The following IPO11 variants were observed in gnomAD, a reference collection of about 807,000 sequenced individuals.
IPO11 encodes the protein importin 11.
IPO11 carries 66 observed loss-of-function variants against 143.2 expected under a neutral mutation model. That is an observed-to-expected ratio of 0.46 (90% confidence interval 0.38 to 0.57). The LOEUF is 0.57. Ranked by LOEUF, IPO11 falls within the 20% of genes least tolerant of loss-of-function variation. The pLI, the probability that IPO11 is intolerant of heterozygous loss-of-function variation, is 0.00. For synonymous variants in IPO11, 385 were observed against 377.8 expected (o/e 1.02, Z -0.22); for missense variants, 1,026 against 1,141.0 (o/e 0.90, Z 1.45).
intron 20 of IPO11, among the ~76,000 whole-genome samples, chr5:62,523,058 G>C (rs1742255657): frequency 6.6e-6 from 1 of 152,186 alleles, no homozygotes. Context: ...TGTAAATCAG[G>C]TAGTTTGTCT....
intron 9 of IPO11, among the ~76,000 whole-genome samples, chr5:62,479,390 A>G (rs1232959088): frequency 2.6e-5 from 4 of 152,216 alleles, no homozygotes; most frequent in South Asian, 4.1e-4. Context: ...TAGCGCCACA[A>G]TAAACATACG....
intron 1 of IPO11, among the ~76,000 whole-genome samples, chr5:62,436,159 C>A (rs1744225438): frequency 6.6e-6 from 1 of 152,140 alleles, no homozygotes. Flanking sequence ...GCTTTACTTA[C>A]ATAGGTTTTG....
At chr5:62,621,508 G>C (rs1427379367) in intron 29 of IPO11, among the ~76,000 whole-genome samples, 1 of 152,148 alleles carries the variant, frequency 6.6e-6, no homozygotes, top group Non-Finnish European at 1.5e-5. Flanking sequence ...GCGGGTTAGA[G>C]ATTCTCCCAG....
At chr5:62,527,907 TA>T (rs949303367) in intron 21 of IPO11, among the ~76,000 whole-genome samples, 4 of 152,230 alleles carry the variant, frequency 2.6e-5, no homozygotes, top group African/African-American at 7.2e-5. Context: ...CTGCATTATA[TA>T]TGTAATTTTA....
At chr5:62,463,031 A>C (rs766945684) in intron 5 of IPO11, among the ~76,000 whole-genome samples, 1 of 152,008 alleles carries the variant, frequency 6.6e-6, no homozygotes, top group Non-Finnish European at 1.5e-5. Context: ...ATATATGTGT[A>C]TATATAAGAA....
intron 3 of IPO11, among the ~76,000 whole-genome samples, chr5:62,444,391 CGGAGTAAT>C (rs1387475044): frequency 1.3e-5 from 2 of 151,642 alleles, no homozygotes; most frequent in Non-Finnish European, 2.9e-5. Flanking sequence ...TGTGCCCGGC[CGGAGTAAT>C]TTTTTACATA....
chr5:62,452,040 C>G, intron 5 of IPO11, 107 bp downstream of exon 5: 1 of 832,816 alleles, frequency 1.2e-6, no homozygotes, highest in East Asian at 2.5e-5. Flanking sequence ...GGGTGGATCA[C>G]GAGGTCAGGC....
At chr5:62,540,219 G>T (rs1351973727) in intron 24 of IPO11, among the ~76,000 whole-genome samples, 2 of 151,920 alleles carry the variant, frequency 1.3e-5, no homozygotes, top group African/African-American at 4.8e-5. Context: ...CAGTCCCTTG[G>T]TTTGCGTATG....
intron 24 of IPO11, among the ~76,000 whole-genome samples, chr5:62,547,878 A>G (rs1743259008): frequency 6.6e-6 from 1 of 152,090 alleles, no homozygotes; most frequent in Non-Finnish European, 1.5e-5. Context: ...CATAGTTTAG[A>G]GTCAACTAGA....
At position 62,416,212 on chromosome 5, in the gene IPO11, C is replaced by T. The variant is rs975756766; in HGVS notation, c.-7+3283C>T. Reference sequence around the variant, plus strand: ...TTTTTTTTTTTTTGAGACGGAGCCTCGCTCTTGTCTCCCAGGCTGGAGTGC... The same window carrying T: ...TTTTTTTTTTTTTGAGACGGAGCCTTGCTCTTGTCTCCCAGGCTGGAGTGC... On this transcript the variant is annotated intron_variant, in intron 1 of 29. Transcript: ENST00000325324. 3.7e-5 allele frequency among the ~76,000 whole-genome samples: 5 copies of T among 135,438 alleles called. No homozygotes were observed. In the East Asian group the frequency reaches 6.5e-4, roughly 18 times the overall value. 88.9% of individuals were successfully genotyped at this position (135,438 alleles called of 152,430 possible). A position where few individuals can be genotyped will look rare whatever the true frequency, so the allele number is the denominator to read the frequency against.
In IPO11 at chr5:62,626,635, C is replaced by T. The variant is rs142185612; in HGVS notation, c.2764-519C>T. 2.6e-3 allele frequency among the ~76,000 whole-genome samples: 392 copies of T among 149,804 alleles called. 2 individuals are homozygous for T. Among genetic ancestry groups the T allele is most frequent in the Non-Finnish European group, 3.9e-3 (265 of 67,676 alleles). On this transcript the variant is annotated intron_variant, in intron 29 of 29. Transcript: ENST00000325324. Reference sequence around the variant, plus strand: ...ATGAAATTACACTCCTTTTGTTTTCCAAATATCCCAGTGGGAGACGAGGAG... The same window carrying T: ...ATGAAATTACACTCCTTTTGTTTTCTAAATATCCCAGTGGGAGACGAGGAG...
intron 29 of IPO11, among the ~76,000 whole-genome samples, chr5:62,606,904 G>A (rs532161190): frequency 6.6e-6 from 1 of 152,304 alleles, no homozygotes; most frequent in South Asian, 2.1e-4. Flanking sequence ...GTTAGGTTGA[G>A]TTGCATTTTA....
chr5:62,457,125 A>G (rs758140676), intron 5 of IPO11, among the ~76,000 whole-genome samples: 16 of 152,142 alleles, frequency 1.1e-4, no homozygotes, highest in Middle Eastern at 3.4e-3. Flanking sequence ...ACAAAACTAT[A>G]TTGCATTGTT....
At chr5:62,482,542 A>G (rs751489777) in intron 9 of IPO11, among the ~76,000 whole-genome samples, 7 of 152,160 alleles carry the variant, frequency 4.6e-5, no homozygotes, top group African/African-American at 4.8e-5. Flanking sequence ...TGATCTATCA[A>G]ATTTCCTCAG....
chr5:62,581,396 A>G lies in IPO11; in HGVS notation c.2583-10181A>G. ...TTATATAATTATATACTTTAGTTGG[A>G]AATATAATGAATTATATGAGGTTAG... is the stretch of plus-strand genomic sequence containing the variant. On this transcript the variant is annotated intron_variant, in intron 27 of 29. Coordinates refer to ENST00000325324, the MANE Select transcript of IPO11 (RefSeq NM_016338.5). 3.0e-6 allele frequency: 3 copies of G among 991,684 alleles called. No homozygotes were observed. In the South Asian group the frequency reaches 6.0e-5, roughly 20 times the overall value. The allele number at this position is 991,684 out of a possible 1,614,324, so 61.4% of individuals were successfully genotyped here. A position where few individuals can be genotyped will look rare whatever the true frequency, so the allele number is the denominator to read the frequency against.
chr5:62,535,017 ATATT>A (rs70981023), intron 22 of IPO11, among the ~76,000 whole-genome samples: 2,659 of 142,614 alleles, frequency 0.019, 68 homozygotes, highest in African/African-American at 0.06. Context: ...TATAATATTA[ATATT>A]TATTTATTTA....
At position 62,579,108 on chromosome 5, in the gene IPO11, C is replaced by T. The variant is rs565055291; in HGVS notation, c.2583-12469C>T. 2.6e-5 allele frequency among the ~76,000 whole-genome samples: 4 copies of T among 152,050 alleles called. No individual in the cohort carries two copies. The South Asian group carries it at 8.3e-4, about 32-fold the overall frequency. Reference sequence around the variant, plus strand: ...GGGACATATTAAATTCAAAGATTCTCATTCCTACATCATTTGTCACCTGTG... The same window carrying T: ...GGGACATATTAAATTCAAAGATTCTTATTCCTACATCATTTGTCACCTGTG... On this transcript the variant is annotated intron_variant, in intron 27 of 29. Transcript: ENST00000325324.
At chr5:62,542,343 T>C (rs1742986696) in intron 24 of IPO11, among the ~76,000 whole-genome samples, 1 of 152,146 alleles carries the variant, frequency 6.6e-6, no homozygotes, top group Admixed American at 6.5e-5. Flanking sequence ...ATTATATTTT[T>C]ATGTTAAGGA....
chr5:62,415,191 G>T (rs1361426619), intron 1 of IPO11, among the ~76,000 whole-genome samples: 2 of 151,968 alleles, frequency 1.3e-5, no homozygotes, highest in Admixed American at 1.3e-4. Context: ...TTTGAGGCGG[G>T]GTCTCACTGT....
Sources: gnomAD v4.1 joint callset for allele counts (sites outside exome capture counted in the v4.1 genomes callset) on GRCh38, gnomAD v4.1.1 for gene constraint, MANE v1.5 for transcripts, NCBI Gene and HGNC (gene_info 2026-07-23, HGNC 2026-07-21) for gene names.